GRM8: variants seen among roughly 807,000 people sequenced by gnomAD.
The protein encoded by GRM8 is metabotropic glutamate receptor 8.
Under a neutral mutation model 87.2 loss-of-function variants are expected in GRM8, and 47 were observed. The ratio of observed to expected loss-of-function variants is 0.54; its 90% CI spans 0.43 to 0.69. The LOEUF (loss-of-function observed/expected upper bound fraction) is 0.69. Among genes scored for constraint, GRM8 ranks in the 30% least tolerant of loss-of-function variants. The pLI, the probability that GRM8 is intolerant of heterozygous loss-of-function variation, is 0.00. For missense variants in GRM8, 1,019 were observed against 1,139.2 expected (o/e 0.89, Z 1.52); for synonymous variants, 396 against 404.5 (o/e 0.98, Z 0.25).
intron 9 of GRM8, among the ~76,000 whole-genome samples, chr7:126,491,028 AATT>A (rs1807945171): frequency 7.2e-5 from 11 of 152,096 alleles, no homozygotes; most frequent in Non-Finnish European, 1.6e-4. Context: ...AGCCAAAATG[AATT>A]GAAAACCTTC....
At chr7:127,111,846 G>A (rs1826375029) in intron 2 of GRM8, among the ~76,000 whole-genome samples, 1 of 152,072 alleles carries the variant, frequency 6.6e-6, no homozygotes, top group African/African-American at 2.4e-5. Context: ...GGTCAACACG[G>A]TGAAGCCCCA....
intron 7 of GRM8, among the ~76,000 whole-genome samples, chr7:126,683,360 C>A (rs748802845): frequency 6.6e-6 from 1 of 152,224 alleles, no homozygotes; most frequent in Non-Finnish European, 1.5e-5. Flanking sequence ...ATGACTAACT[C>A]ATTCCCAATG....
chr7:127,157,402 C>T (rs939280757), intron 2 of GRM8, among the ~76,000 whole-genome samples: 20 of 151,956 alleles, frequency 1.3e-4, no homozygotes. Flanking sequence ...CTGGTGAATT[C>T]TATGGACTCA....
At chr7:127,210,374 G>C (rs1796144006) in intron 2 of GRM8, among the ~76,000 whole-genome samples, 1 of 152,116 alleles carries the variant, frequency 6.6e-6, no homozygotes, top group South Asian at 2.1e-4. Context: ...TTATGAGCTG[G>C]GCATTGGCTA....
chr7:126,571,489 G>A (rs73722649), intron 8 of GRM8, among the ~76,000 whole-genome samples: 2,330 of 152,232 alleles, frequency 0.015, 43 homozygotes, highest in African/African-American at 0.041. Context: ...TTACCCCTGG[G>A]CAAGAAACCA....
intron 9 of GRM8, among the ~76,000 whole-genome samples, chr7:126,484,092 G>A (rs893517350): frequency 3.3e-5 from 5 of 151,956 alleles, no homozygotes; most frequent in Non-Finnish European, 7.4e-5. Context: ...TGCTTATGAC[G>A]TAAATGTCAC....
At chr7:126,585,807 C>T (rs143726646) in intron 8 of GRM8, among the ~76,000 whole-genome samples, 42 of 152,220 alleles carry the variant, frequency 2.8e-4, no homozygotes, top group African/African-American at 8.4e-4. Context: ...TCCTTTTCAA[C>T]ATAGTGTTGG....
At chr7:126,632,322 C>T (rs901093859) in intron 7 of GRM8, among the ~76,000 whole-genome samples, 1 of 152,090 alleles carries the variant, frequency 6.6e-6, no homozygotes, top group Non-Finnish European at 1.5e-5. Flanking sequence ...CAAATCAAAA[C>T]CACAATGAGA....
chr7:126,815,853 T>G (rs1287335683), intron 6 of GRM8, among the ~76,000 whole-genome samples: 8 of 152,148 alleles, frequency 5.3e-5, no homozygotes, highest in Non-Finnish European at 1.2e-4. Context: ...ATAGCCATGA[T>G]GATAACACAA....
chr7:126,973,120 T>G (rs959975911), intron 3 of GRM8, among the ~76,000 whole-genome samples: 1 of 152,176 alleles, frequency 6.6e-6, no homozygotes, highest in African/African-American at 2.4e-5. Context: ...TCTAATAGTT[T>G]AGGATGCACC....
At chr7:127,040,931 T>C (rs1047449886) in intron 3 of GRM8, among the ~76,000 whole-genome samples, 1 of 152,206 alleles carries the variant, frequency 6.6e-6, no homozygotes, top group Non-Finnish European at 1.5e-5. Context: ...CAAAAAGATA[T>C]AACTAATCTG....
chr7:126,754,846 C>T lies in GRM8; in HGVS notation c.1357+15019G>A, dbSNP rs189249703. On this transcript the variant is annotated intron_variant, in intron 7 of 10. Transcript: ENST00000339582. ...TTTTATTTTCATAAACATTTTGTGT[C>T]TGGAGGCTGCTAGAAAATTTATGGA... Among the ~76,000 whole-genome samples the T allele has an allele frequency of 2.0e-5, 3 of 151,852 alleles. No individual in the cohort carries two copies. In the East Asian group the frequency reaches 5.8e-4, roughly 29 times the overall value.
intron 3 of GRM8, among the ~76,000 whole-genome samples, chr7:126,910,887 G>A (rs1193990166): frequency 6.6e-6 from 1 of 152,162 alleles, no homozygotes; most frequent in African/African-American, 2.4e-5. Flanking sequence ...AGACTTGTCA[G>A]AAGACCTGAG....
chr7:127,179,305 C>A (rs1460748493), intron 2 of GRM8, among the ~76,000 whole-genome samples: 4 of 152,062 alleles, frequency 2.6e-5, no homozygotes, highest in Non-Finnish European at 4.4e-5. Context: ...AAAAATATCA[C>A]AATCCTAAAC....
intron 3 of GRM8, among the ~76,000 whole-genome samples, chr7:127,037,526 T>A (rs1817954637): frequency 6.6e-6 from 1 of 152,190 alleles, no homozygotes; most frequent in Non-Finnish European, 1.5e-5. Flanking sequence ...ATGCCACAAC[T>A]TACCTGGCAT....
chr7:126,821,110 A>G (rs957841229), intron 6 of GRM8, among the ~76,000 whole-genome samples: 1 of 152,186 alleles, frequency 6.6e-6, no homozygotes, highest in Non-Finnish European at 1.5e-5. Flanking sequence ...TCAATCTCCA[A>G]CCAGTATAAA....
chr7:126,849,328 G>A (rs1796992911), intron 6 of GRM8, among the ~76,000 whole-genome samples: 1 of 152,142 alleles, frequency 6.6e-6, no homozygotes, highest in Non-Finnish European at 1.5e-5. Context: ...CTGAAAGCAT[G>A]GGATTGAATG....
At chr7:126,470,329 A>T (rs1236928416) in intron 9 of GRM8, among the ~76,000 whole-genome samples, 1 of 130,798 alleles carries the variant, frequency 7.6e-6, no homozygotes, top group African/African-American at 2.8e-5. Context: ...TCCCAATGCT[A>T]TCCCTCCCCC....
chr7:126,739,055 A>C (rs1020615747), intron 7 of GRM8, among the ~76,000 whole-genome samples: 1 of 152,056 alleles, frequency 6.6e-6, no homozygotes, highest in Non-Finnish European at 1.5e-5. Flanking sequence ...ACCAGATTCC[A>C]GAAGGCTGAA....
Sources: gnomAD v4.1 joint callset for allele counts (sites outside exome capture counted in the v4.1 genomes callset) on GRCh38, gnomAD v4.1.1 for gene constraint, MANE v1.5 for transcripts, NCBI Gene and HGNC (gene_info 2026-07-23, HGNC 2026-07-21) for gene names.